Variants in LMTK2 observed in about 807,000 individuals in gnomAD.
LMTK2 encodes serine/threonine-protein kinase LMTK2.
A neutral mutation model predicts 127.5 loss-of-function variants in LMTK2; 37 were observed. That is an observed-to-expected ratio of 0.29 (90% CI 0.22 to 0.38). The LOEUF (loss-of-function observed/expected upper bound fraction) is 0.38. Among genes scored for constraint, LMTK2 ranks in the 10% least tolerant of loss-of-function variants. The probability of loss-of-function intolerance (pLI) is 1.00; values close to 1 mark genes in which losing one functional copy is unlikely to be tolerated. For synonymous variants in LMTK2, 819 were observed against 810.1 expected (o/e 1.01, Z -0.19); for missense variants, 1,694 against 1,920.3 (o/e 0.88, Z 2.20).
intron 3 of LMTK2, among the ~76,000 whole-genome samples, chr7:98,142,030 T>C (rs1054932985): frequency 9.2e-5 from 14 of 152,176 alleles, no homozygotes; most frequent in African/African-American, 3.4e-4. Flanking sequence ...AAATAGAATG[T>C]GACTATAGTT....
rs577322210 is a variant in LMTK2 at position 98,191,546 on chromosome 7, C to T, written c.1149-68C>T. ...CAGACTGGGTGACAGAGCAAGACTCCGTCTCGAACCAAAAAAAAAAAAAAA... is the reference window on the plus strand; with the variant it reads ...CAGACTGGGTGACAGAGCAAGACTCTGTCTCGAACCAAAAAAAAAAAAAAA... On this transcript the variant is annotated intron_variant, in intron 10 of 13. Transcript: ENST00000297293. 29 of 1,290,386 alleles carry T rather than the reference C, an allele frequency of 2.2e-5. No homozygotes were observed. In the African/African-American group the frequency reaches 2.5e-4, roughly 11 times the overall value. 79.9% of individuals were successfully genotyped at this position (1,290,386 alleles called of 1,614,324 possible). A position where few individuals can be genotyped will look rare whatever the true frequency, so the allele number is the denominator to read the frequency against.
At chr7:98,130,010 T>C (rs555397313) in intron 1 of LMTK2, among the ~76,000 whole-genome samples, 27 of 152,098 alleles carry the variant, frequency 1.8e-4, no homozygotes, top group African/African-American at 6.5e-4. Context: ...ACCGCGGGCC[T>C]CAAGGATGGT....
intron 6 of LMTK2, among the ~76,000 whole-genome samples, chr7:98,167,158 CTT>C (rs369986868): frequency 1.0e-3 from 158 of 152,290 alleles, no homozygotes; most frequent in African/African-American, 3.5e-3. Context: ...GTTGTCCCAA[CTT>C]TAACCTGTAG....
intron 1 of LMTK2, among the ~76,000 whole-genome samples, chr7:98,129,265 T>C (rs1025539802): frequency 4.6e-5 from 7 of 152,124 alleles, no homozygotes; most frequent in Non-Finnish European, 8.8e-5. Flanking sequence ...TTTGTATTTT[T>C]TTGTAGAGAC....
rs1797300878 is a variant in LMTK2 at position 98,178,005 on chromosome 7, G to A, written c.791+6331G>A. Among the ~76,000 whole-genome samples, 3 of 152,310 alleles carry A rather than the reference G, an allele frequency of 2.0e-5. No individual in the cohort carries two copies. The South Asian group carries it at 6.2e-4, about 32-fold the overall frequency. On this transcript the variant is annotated intron_variant, in intron 7 of 13. Coordinates refer to ENST00000297293, the MANE Select transcript of LMTK2 (RefSeq NM_014916.4). ...GTCAGAATGACGTGACGAGCAGAGG[G>A]AGGCTTTGGAATTGAAGTTTTCATT...
intron 8 of LMTK2, among the ~76,000 whole-genome samples, chr7:98,185,848 C>T (rs1797424885): frequency 6.6e-6 from 1 of 151,942 alleles, no homozygotes; most frequent in Non-Finnish European, 1.5e-5. Context: ...AGGTGTGAGT[C>T]ACCCCACCCA....
intron 7 of LMTK2, among the ~76,000 whole-genome samples, chr7:98,172,687 T>G (rs535712652): frequency 6.6e-6 from 1 of 152,332 alleles, no homozygotes; most frequent in South Asian, 2.1e-4. Flanking sequence ...CTCTTAGTAA[T>G]CCATTGACCT....
chr7:98,136,569 G>A (rs543274471), intron 1 of LMTK2, among the ~76,000 whole-genome samples: 1 of 152,326 alleles, frequency 6.6e-6, no homozygotes, highest in East Asian at 1.9e-4. Flanking sequence ...GGCCAGCATT[G>A]CTTTCGAGGA....
At chr7:98,116,188 C>A (rs1043883397) in intron 1 of LMTK2, among the ~76,000 whole-genome samples, 15 of 152,176 alleles carry the variant, frequency 9.9e-5, no homozygotes, top group African/African-American at 3.6e-4. Flanking sequence ...GCCACAGTGT[C>A]CGGCCTACAT....
chr7:98,156,736 A>G (rs933670373), intron 5 of LMTK2, among the ~76,000 whole-genome samples: 2 of 152,358 alleles, frequency 1.3e-5, no homozygotes, highest in African/African-American at 4.8e-5. Context: ...GAATTGGCTC[A>G]TGAAGTTACG....
intron 1 of LMTK2, among the ~76,000 whole-genome samples, chr7:98,127,896 A>G (rs576525486): frequency 2.5e-4 from 38 of 152,382 alleles, no homozygotes; most frequent in African/African-American, 8.9e-4. Context: ...TAATCCCAGC[A>G]CTTTGGGAGG....
rs374546900 is a variant in LMTK2, at chr7:98,169,975, G to A, written c.658-1566G>A. Among the ~76,000 whole-genome samples the A allele has an allele frequency of 4.6e-5, 7 of 152,322 alleles. No individual in the cohort carries two copies. The East Asian group carries it at 5.8e-4, about 13-fold the overall frequency. On this transcript the variant is annotated intron_variant, in intron 6 of 13. Coordinates refer to ENST00000297293, the MANE Select transcript of LMTK2 (RefSeq NM_014916.4). ...TGGCAGAGCAGTCACATGACGCTTG[G>A]GAGACCCCAGCAGATTGATAGGATT...
At position 98,171,634 on chromosome 7, in the gene LMTK2, G is replaced by A. The variant is rs763236901; in HGVS notation, c.751G>A (p.Ala251Thr). 6.2e-6 allele frequency: 10 copies of A among 1,606,830 alleles called. No homozygotes were observed. Among genetic ancestry groups the A allele is most frequent in the East Asian group, 2.2e-5 (1 of 44,834 alleles). Residue 251 changes from alanine (A) to threonine (T), a missense_variant, in exon 7 of 14, where the codon GCG becomes ACG. This residue lies in a region of LMTK2 where 203 missense variants were observed against 226.2 expected (regional missense o/e 0.90). Transcript: ENST00000297293. The surrounding 1 kb of genome is among the most constrained non-coding windows in gnomAD (Gnocchi z 5.1). Reference sequence around the variant, plus strand: ...GCAGAGGATGGCGTGCGAGGTCGCCGCGGGGCTGGCCGCCATGCACAAGCT... The same window carrying A: ...GCAGAGGATGGCGTGCGAGGTCGCCACGGGGCTGGCCGCCATGCACAAGCT... ...LLQRMACEVA[A>T]GLAAMHKLHF...
At chr7:98,169,229 A>G (rs1447445644) in intron 6 of LMTK2, among the ~76,000 whole-genome samples, 4 of 152,198 alleles carry the variant, frequency 2.6e-5, no homozygotes, top group Non-Finnish European at 5.9e-5. Flanking sequence ...GTTCTTCCCT[A>G]TTCCTGGGTT....
In LMTK2 at chr7:98,209,296, A is replaced by G. The variant is rs1020652060; in HGVS notation, c.*3804A>G. On this transcript the variant is annotated 3_prime_UTR_variant, in exon 14 of 14. Transcript: ENST00000297293. ...GAATTACCAACAGCCTGTGAAGATC[A>G]GTTTGACCGGTGTGGACACGTGCTG... is the stretch of plus-strand genomic sequence containing the variant. The G allele has an allele frequency of 6.6e-6, 1 of 152,194 alleles. No homozygotes were observed. The highest frequency in any genetic ancestry group is 2.4e-5 in the African/African-American group (1 of 41,450). 9.4% of individuals were successfully genotyped at this position (152,194 alleles called of 1,614,324 possible).
chr7:98,175,988 G>GC (rs1797271019), intron 7 of LMTK2, among the ~76,000 whole-genome samples: 1 of 152,288 alleles, frequency 6.6e-6, no homozygotes, highest in African/African-American at 2.4e-5. Flanking sequence ...TCCAACACAA[G>GC]CTTAATAGCA....
At chr7:98,198,027 G>A (rs1439406896) in intron 11 of LMTK2, among the ~76,000 whole-genome samples, 2 of 152,164 alleles carry the variant, frequency 1.3e-5, no homozygotes, top group Non-Finnish European at 2.9e-5. Flanking sequence ...AAGAGATTAT[G>A]TAGATTTGTT....
At chr7:98,143,683 A>T (rs138850066) in intron 3 of LMTK2, among the ~76,000 whole-genome samples, 1 of 152,230 alleles carries the variant, frequency 6.6e-6, no homozygotes, top group Non-Finnish European at 1.5e-5. Flanking sequence ...TAGTGCAGCT[A>T]TAAATTGCTG....
chr7:98,151,270 T>C (rs905135189), intron 3 of LMTK2, 112 bp from the exon 4 acceptor site: 3 of 654,260 alleles, frequency 4.6e-6, no homozygotes, highest in Non-Finnish European at 2.4e-6. Context: ...GTTTTATGTA[T>C]TTATTCCTAC....
Sources: gnomAD v4.1 joint callset for allele counts (sites outside exome capture counted in the v4.1 genomes callset) on GRCh38, gnomAD v4.1.1 for gene constraint, gnomAD v4.1.1 regional missense constraint, Gnocchi (gnomAD v3.1) non-coding constraint, MANE v1.5 for transcripts, NCBI Gene and HGNC (gene_info 2026-07-23, HGNC 2026-07-21) for gene names.